Variants in SORCS2 observed in about 807,000 individuals in gnomAD.
SORCS2 encodes VPS10 domain-containing receptor SorCS2.
Under a neutral mutation model 141.6 loss-of-function variants are expected in SORCS2, and 100 were observed. The ratio of observed to expected loss-of-function variants is 0.71; its 90% CI spans 0.60 to 0.83. The LOEUF (loss-of-function observed/expected upper bound fraction) is 0.83. Among genes scored for constraint, SORCS2 ranks in the 40% least tolerant of loss-of-function variants. The pLI, the probability that SORCS2 is intolerant of heterozygous loss-of-function variation, is 0.00. For synonymous variants in SORCS2, 789 were observed against 676.9 expected (o/e 1.17, Z -2.57); for missense variants, 1,646 against 1,560.2 (o/e 1.05, Z -0.93).
chr4:7,723,914 T>G, intron 19 of SORCS2, 31 bp downstream of exon 19: 1 of 1,562,302 alleles, frequency 6.4e-7, no homozygotes, highest in Non-Finnish European at 8.6e-7. Context: ...AGGCCAAAGG[T>G]CACTCCCTTT....
At chr4:7,202,093 C>T (rs1727512980) in intron 1 of SORCS2, among the ~76,000 whole-genome samples, 1 of 152,186 alleles carries the variant, frequency 6.6e-6, no homozygotes, top group Non-Finnish European at 1.5e-5. Context: ...CTGTACCTCT[C>T]TCCCCGCTCC....
chr4:7,289,407 C>T (rs148001972), intron 1 of SORCS2, among the ~76,000 whole-genome samples: 36 of 152,302 alleles, frequency 2.4e-4, no homozygotes, highest in South Asian at 8.3e-4. Context: ...AGGCAAGGCC[C>T]GGCTGTCATC....
Position 7,259,199 on chromosome 4 carries a change from T to C in SORCS2, c.480+66073T>C, listed in dbSNP as rs1328407955. Among the ~76,000 whole-genome samples, 3 of 152,340 alleles carry C rather than the reference T, an allele frequency of 2.0e-5. No homozygotes were observed. In the East Asian group the frequency reaches 5.8e-4, roughly 29 times the overall value. ...TTTAAATTCTATTAACCATGTGGTT[T>C]CTTGTGCAGAGCCTGGCTGACACAG... On this transcript the variant is annotated intron_variant, in intron 1 of 26. Coordinates refer to ENST00000507866, the MANE Select transcript of SORCS2 (RefSeq NM_020777.3).
intron 2 of SORCS2, among the ~76,000 whole-genome samples, chr4:7,421,110 C>T (rs564806187): frequency 2.2e-4 from 33 of 152,316 alleles, no homozygotes; most frequent in Non-Finnish European, 2.5e-4. Context: ...ATCCCTTGCC[C>T]ACACAGTGTT....
chr4:7,540,787 C>T (rs1031979576), intron 3 of SORCS2, among the ~76,000 whole-genome samples: 1 of 152,230 alleles, frequency 6.6e-6, no homozygotes, highest in Non-Finnish European at 1.5e-5. Context: ...CCCTGCCCCC[C>T]GCACCCCGGG....
chr4:7,362,871 C>G (rs1455920133), intron 1 of SORCS2, among the ~76,000 whole-genome samples: 3 of 150,756 alleles, frequency 2.0e-5, no homozygotes, highest in African/African-American at 7.3e-5. Context: ...ACCACCATCA[C>G]CAACCACCTC....
chr4:7,455,860 G>A (rs1478623559), intron 2 of SORCS2, among the ~76,000 whole-genome samples: 1 of 152,180 alleles, frequency 6.6e-6, no homozygotes, highest in Admixed American at 6.5e-5. Context: ...TTCTGTGTTA[G>A]CGTCACATGC....
chr4:7,559,217 C>T lies in SORCS2; in HGVS notation c.648+27588C>T, dbSNP rs531682807. 6.6e-5 allele frequency among the ~76,000 whole-genome samples: 10 copies of T among 152,314 alleles called. No individual in the cohort carries two copies. In the South Asian group the frequency reaches 1.2e-3, roughly 19 times the overall value. On this transcript the variant is annotated intron_variant, in intron 3 of 26. Transcript: ENST00000507866. Reference sequence around the variant, plus strand: ...CCCCCTCCAAGAGGGCTGTGGCCCCCGTGCCCGCAGTGCCTCGGGCTTCCA... The same window carrying T: ...CCCCCTCCAAGAGGGCTGTGGCCCCTGTGCCCGCAGTGCCTCGGGCTTCCA...
chr4:7,416,725 G>GACAC lies in SORCS2; in HGVS notation c.548+20375_548+20378dup, dbSNP rs34903700. Reference sequence around the variant, plus strand: ...TCACTCACACTTGTGCACACACTCAGACACACACGCATGCACACACACTTG... The same window carrying GACAC: ...TCACTCACACTTGTGCACACACTCAGACACACACACACGCATGCACACACACTTG... On this transcript the variant is annotated intron_variant, in intron 2 of 26. Transcript: ENST00000507866. Among the ~76,000 whole-genome samples, 70 of 150,398 alleles carry GACAC rather than the reference G, an allele frequency of 4.7e-4. No individual in the cohort carries two copies. In the South Asian group the frequency reaches 6.9e-3, roughly 15 times the overall value.
intron 1 of SORCS2, among the ~76,000 whole-genome samples, chr4:7,305,531 G>A (rs1249874027): frequency 6.6e-6 from 1 of 152,186 alleles, no homozygotes; most frequent in East Asian, 1.9e-4. Flanking sequence ...CATAGCAGGT[G>A]GTGGACTAGG....
chr4:7,403,997 A>ATTTT (rs60403055), intron 2 of SORCS2, among the ~76,000 whole-genome samples: 53 of 18,842 alleles, frequency 2.8e-3, no homozygotes, highest in Non-Finnish European at 5.7e-3. Context: ...ATATATATAT[A>ATTTT]TTTTTTTTTT....
intron 1 of SORCS2, among the ~76,000 whole-genome samples, chr4:7,215,740 ACT>A (rs999557518): frequency 4.4e-4 from 67 of 152,092 alleles, no homozygotes; most frequent in African/African-American, 1.6e-3. Flanking sequence ...ACCAATGGAC[ACT>A]CTGTATCTAG....
intron 15 of SORCS2, among the ~76,000 whole-genome samples, chr4:7,713,476 C>T (rs969386989): frequency 2.1e-4 from 32 of 152,114 alleles, no homozygotes; most frequent in African/African-American, 7.7e-4. Flanking sequence ...TTACTCAAGA[C>T]CATCACGGTG....
chr4:7,347,656 G>C (rs1156788501), intron 1 of SORCS2, among the ~76,000 whole-genome samples: 1 of 152,192 alleles, frequency 6.6e-6, no homozygotes, highest in Admixed American at 6.5e-5. Context: ...GAGAGGTGAG[G>C]CATGCCATTC....
At chr4:7,654,627 A>T (rs569299986) in intron 5 of SORCS2, among the ~76,000 whole-genome samples, 2 of 152,058 alleles carry the variant, frequency 1.3e-5, no homozygotes, top group East Asian at 3.9e-4. Context: ...CCAGGCCCTG[A>T]CTCAGCCCCT....
intron 2 of SORCS2, among the ~76,000 whole-genome samples, chr4:7,454,546 G>T (rs1577591311): frequency 7.5e-6 from 1 of 134,112 alleles, no homozygotes; most frequent in East Asian, 2.5e-4. Context: ...CTGTGTTGGG[G>T]TCAGGCACTG....
At chr4:7,387,935 C>T in intron 1 of SORCS2, among the ~76,000 whole-genome samples, 1 of 70,818 alleles carries the variant, frequency 1.4e-5, no homozygotes, top group Non-Finnish European at 2.7e-5. Flanking sequence ...CATGCACACA[C>T]CGATACACAT....
chr4:7,660,066 A>G (rs958927108), intron 5 of SORCS2, among the ~76,000 whole-genome samples: 1 of 152,226 alleles, frequency 6.6e-6, no homozygotes, highest in African/African-American at 2.4e-5. Context: ...TAAGGCAACT[A>G]GAGCACCTAG....
chr4:7,368,644 A>C (rs1355350797), intron 1 of SORCS2, among the ~76,000 whole-genome samples: 2 of 152,164 alleles, frequency 1.3e-5, no homozygotes, highest in Non-Finnish European at 2.9e-5. Flanking sequence ...TCCCTGGTTC[A>C]TGGGAGGGGC....
Sources: allele counts gnomAD v4.1 joint callset (sites outside exome capture counted in the v4.1 genomes callset), GRCh38; gene constraint gnomAD v4.1.1; transcripts MANE v1.5; gene names NCBI Gene and HGNC (gene_info 2026-07-23, HGNC 2026-07-21).